The following OCA2 variants were observed in gnomAD, a reference collection of about 807,000 sequenced individuals.
The protein encoded by OCA2 is OCA2 melanosomal transmembrane protein, also known as P protein.
A neutral mutation model predicts 100.2 loss-of-function variants in OCA2; 77 were observed. The observed-to-expected ratio is 0.77, with a 90% confidence interval of 0.64 to 0.93. The LOEUF (loss-of-function observed/expected upper bound fraction) is 0.93, where lower values mean the gene tolerates loss of function less well. OCA2 is among the 40% of genes least tolerant of loss of function. OCA2 has a pLI of 0.00. For synonymous variants in OCA2, 432 were observed against 439.2 expected, an observed-to-expected ratio of 0.98 and a Z score of 0.21; for missense variants, 1,062 against 1,089.1, an observed-to-expected ratio of 0.98 and a Z score of 0.35.
intron 19 of OCA2, among the ~76,000 whole-genome samples, chr15:27,922,677 T>TGGGG (rs750093178): frequency 7.6e-6 from 1 of 132,084 alleles, no homozygotes; most frequent in African/African-American, 2.9e-5. Flanking sequence ...GTTTTTTGTT[T>TGGGG]GGGGTGTGTG....
intron 19 of OCA2, among the ~76,000 whole-genome samples, chr15:27,874,659 AG>A (rs1309503309): frequency 1.3e-5 from 2 of 152,222 alleles, no homozygotes; most frequent in African/African-American, 4.8e-5. Flanking sequence ...TAAAGAAATT[AG>A]GGGTTGAAGA....
rs192734230 is a variant in OCA2, at chr15:27,755,334, T to C, written c.*54A>G. On this transcript the variant is annotated 3_prime_UTR_variant, in exon 24 of 24. Coordinates refer to ENST00000354638, the MANE Select transcript of OCA2 (RefSeq NM_000275.3). ...GGGGTCAGGGTAGTTTTATGACTAA[T>C]GGGTTGTGATGGATGAAGTTTCCTT... 5.1e-4 allele frequency: 687 copies of C among 1,343,096 alleles called. 2 individuals are homozygous for C. Among genetic ancestry groups the C allele is most frequent in the African/African-American group, 3.4e-3 (238 of 69,692 alleles). 83.2% of individuals were successfully genotyped at this position (1,343,096 alleles called of 1,614,324 possible).
chr15:27,770,615 T>TA (rs1388007517), intron 23 of OCA2, among the ~76,000 whole-genome samples: 1 of 152,006 alleles, frequency 6.6e-6, no homozygotes, highest in African/African-American at 2.4e-5. Context: ...CCCGTGTCCT[T>TA]ACCCACTTCC....
chr15:27,729,287 CTA>C, the OCA2 span, among the ~76,000 whole-genome samples: 138 of 106,132 alleles, frequency 1.3e-3, no homozygotes, highest in Admixed American at 1.9e-3. Flanking sequence ...TCATTATCAT[CTA>C]TTTTTTTTTT....
intron 14 of OCA2, among the ~76,000 whole-genome samples, chr15:27,974,735 T>C (rs776616346): frequency 6.6e-6 from 1 of 152,186 alleles, no homozygotes; most frequent in Non-Finnish European, 1.5e-5. Flanking sequence ...GCTACTGCAC[T>C]CCAGCCTGGG....
At chr15:27,774,288 G>T (rs766542884) in intron 23 of OCA2, among the ~76,000 whole-genome samples, 1 of 152,202 alleles carries the variant, frequency 6.6e-6, no homozygotes, top group East Asian at 1.9e-4. Context: ...GCCTCTCTCT[G>T]GCAGTGAGGA....
At chr15:27,929,761 AATATAT>A (rs998737597) in intron 18 of OCA2, among the ~76,000 whole-genome samples, 1 of 125,022 alleles carries the variant, frequency 8.0e-6, no homozygotes, top group African/African-American at 2.8e-5. Flanking sequence ...TAATATCTAG[AATATAT>A]ATATATAAAT....
intron 18 of OCA2, among the ~76,000 whole-genome samples, chr15:27,937,981 G>A (rs1467408852): frequency 6.6e-6 from 1 of 152,110 alleles, no homozygotes; most frequent in Non-Finnish European, 1.5e-5. Flanking sequence ...AAAAAGCTGA[G>A]TCACAAATAT....
At chr15:27,854,621 T>A (rs2035886440) in intron 21 of OCA2, among the ~76,000 whole-genome samples, 1 of 152,256 alleles carries the variant, frequency 6.6e-6, no homozygotes. Context: ...GCTTTGCTTT[T>A]GTTGTCTTAT....
chr15:28,038,643 G>A (rs1463665359), intron 2 of OCA2, among the ~76,000 whole-genome samples: 1 of 152,152 alleles, frequency 6.6e-6, no homozygotes, highest in Non-Finnish European at 1.5e-5. Context: ...ATTGAAAAGT[G>A]TACTGAAAAA....
intron 23 of OCA2, among the ~76,000 whole-genome samples, chr15:27,801,597 G>A (rs2033619933): frequency 7.1e-6 from 1 of 141,114 alleles, no homozygotes; most frequent in Non-Finnish European, 1.5e-5. Flanking sequence ...AATACATCAT[G>A]ATCAAGTGAA....
At chr15:27,958,224 G>A (rs570745047) in intron 15 of OCA2, among the ~76,000 whole-genome samples, 1 of 152,178 alleles carries the variant, frequency 6.6e-6, no homozygotes, top group Non-Finnish European at 1.5e-5. Flanking sequence ...TCACGAAAGC[G>A]AAGTAATGCA....
At chr15:27,856,686 CA>C (rs1220328605) in intron 21 of OCA2, among the ~76,000 whole-genome samples, 1 of 146,720 alleles carries the variant, frequency 6.8e-6, no homozygotes, top group African/African-American at 2.6e-5. Context: ...TACACACACA[CA>C]AACACACACC....
chr15:28,079,236 A>G (rs935101623), intron 2 of OCA2, among the ~76,000 whole-genome samples: 4 of 151,530 alleles, frequency 2.6e-5, no homozygotes, highest in Admixed American at 6.6e-5. Context: ...GTTTCCACAT[A>G]CCTGAGACTC....
At chr15:27,921,374 CAAAAT>C (rs1473826294) in intron 19 of OCA2, among the ~76,000 whole-genome samples, 1 of 144,160 alleles carries the variant, frequency 6.9e-6, no homozygotes, top group Non-Finnish European at 1.6e-5. Context: ...TTTAAAAAGA[CAAAAT>C]AAAGGCATTC....
intron 23 of OCA2, among the ~76,000 whole-genome samples, chr15:27,791,239 A>C (rs2033065912): frequency 6.6e-6 from 1 of 152,250 alleles, no homozygotes; most frequent in African/African-American, 2.4e-5. Flanking sequence ...CCCAAAATAC[A>C]CATCATGTAT....
intron 3 of OCA2, among the ~76,000 whole-genome samples, chr15:28,029,479 T>C (rs2141361064): frequency 6.6e-6 from 1 of 152,260 alleles, no homozygotes; most frequent in East Asian, 1.9e-4. Flanking sequence ...AGAGCAGTGC[T>C]GTGCAATAGA....
chr15:27,733,163 A>C, the OCA2 span, among the ~76,000 whole-genome samples: 4 of 152,220 alleles, frequency 2.6e-5, no homozygotes, highest in Admixed American at 6.5e-5. Flanking sequence ...TGTTTGGTTC[A>C]TCTAGACTTT....
intron 21 of OCA2, among the ~76,000 whole-genome samples, chr15:27,859,311 C>A (rs190771268): frequency 2.0e-5 from 3 of 151,856 alleles, no homozygotes; most frequent in African/African-American, 7.3e-5. Flanking sequence ...AAAATACAAA[C>A]GACTAAAATC....
Sources: allele counts gnomAD v4.1 joint callset (sites outside exome capture counted in the v4.1 genomes callset), GRCh38; gene constraint gnomAD v4.1.1; transcripts MANE v1.5; gene names NCBI Gene and HGNC (gene_info 2026-07-23, HGNC 2026-07-21).